The following METTL15 variants were observed in gnomAD, a reference collection of about 807,000 sequenced individuals.
METTL15 encodes 12S rRNA N(4)-cytidine methyltransferase METTL15.
Under a neutral mutation model 38.3 loss-of-function variants are expected in METTL15, and 34 were observed. The ratio of observed to expected loss-of-function variants is 0.89; its 90% CI spans 0.68 to 1.18. The LOEUF (loss-of-function observed/expected upper bound fraction) is 1.18. Among genes scored for constraint, METTL15 ranks in the 50% most tolerant of loss-of-function variants. METTL15 has a pLI of 0.00. For missense variants in METTL15, 438 were observed against 498.4 expected, an observed-to-expected ratio of 0.88 and a Z score of 1.15; for synonymous variants, 162 against 170.9, an observed-to-expected ratio of 0.95 and a Z score of 0.41.
intron 5 of METTL15, among the ~76,000 whole-genome samples, chr11:28,376,025 T>C (rs1410533717): frequency 6.6e-6 from 1 of 152,212 alleles, no homozygotes; most frequent in Non-Finnish European, 1.5e-5. Context: ...CACTGTGGTC[T>C]GAGAGATAGT....
intron 6 of METTL15, among the ~76,000 whole-genome samples, chr11:28,470,119 A>T (rs140667152): frequency 4.9e-4 from 75 of 152,310 alleles, no homozygotes; most frequent in African/African-American, 1.7e-3. Flanking sequence ...GGCCATTGGT[A>T]ATAATGTTCA....
intron 3 of METTL15, among the ~76,000 whole-genome samples, chr11:28,346,879 A>G (rs1184543591): frequency 6.6e-6 from 1 of 152,176 alleles, no homozygotes; most frequent in African/African-American, 2.4e-5. Context: ...AGGTGCACCA[A>G]AGACTAAAAA....
intron 6 of METTL15, among the ~76,000 whole-genome samples, chr11:28,494,380 ATCTT>A (rs1310187457): frequency 1.3e-5 from 2 of 152,160 alleles, no homozygotes; most frequent in African/African-American, 4.8e-5. Context: ...ATACTTTTCA[ATCTT>A]TCTTTTGGTT....
At chr11:28,146,174 T>C (rs1270176880) in intron 3 of METTL15, among the ~76,000 whole-genome samples, 1 of 152,078 alleles carries the variant, frequency 6.6e-6, no homozygotes, top group African/African-American at 2.4e-5. Flanking sequence ...TAAAACTTTC[T>C]GGAAAGTTGT....
At chr11:28,362,195 C>A (rs2133368724) in intron 5 of METTL15, among the ~76,000 whole-genome samples, 1 of 152,016 alleles carries the variant, frequency 6.6e-6, no homozygotes, top group African/African-American at 2.4e-5. Flanking sequence ...TACACAATTG[C>A]AATTAAACAA....
chr11:28,266,452 C>G (rs1302594043), intron 4 of METTL15, among the ~76,000 whole-genome samples: 2 of 152,180 alleles, frequency 1.3e-5, no homozygotes, highest in Non-Finnish European at 2.9e-5. Context: ...AGCAAACTAT[C>G]ACAAGGACAA....
intron 4 of METTL15, among the ~76,000 whole-genome samples, chr11:28,220,500 C>T (rs1293798786): frequency 1.3e-5 from 2 of 152,126 alleles, no homozygotes; most frequent in African/African-American, 2.4e-5. Flanking sequence ...ACTGATGAGT[C>T]TTGACTCTTT....
chr11:28,150,406 C>T (rs1211182755), intron 3 of METTL15, among the ~76,000 whole-genome samples: 1 of 151,764 alleles, frequency 6.6e-6, no homozygotes, highest in Non-Finnish European at 1.5e-5. Context: ...AGGAATTGGA[C>T]TGATAAAGCT....
chr11:28,508,415 T>C (rs976866896), intron 6 of METTL15, among the ~76,000 whole-genome samples: 19 of 152,222 alleles, frequency 1.2e-4, no homozygotes, highest in African/African-American at 3.6e-4. Context: ...ATCCATCATT[T>C]CTATTTTAGA....
At chr11:28,335,639 A>G (rs1849894473), downstream of METTL15, among the ~76,000 whole-genome samples, 3 of 152,272 alleles carry the variant, frequency 2.0e-5, no homozygotes, top group South Asian at 6.2e-4. Flanking sequence ...TGAATGGCTT[A>G]ATGCTGTCCT....
At chr11:28,222,880 A>G (rs532114369) in intron 4 of METTL15, among the ~76,000 whole-genome samples, 1 of 152,352 alleles carries the variant, frequency 6.6e-6, no homozygotes, top group African/African-American at 2.4e-5. Context: ...AAGTTCTTAC[A>G]AAACTAGAGA....
intron 5 of METTL15, among the ~76,000 whole-genome samples, chr11:28,366,792 T>C (rs1018071259): frequency 2.0e-5 from 3 of 152,198 alleles, no homozygotes; most frequent in African/African-American, 7.2e-5. Flanking sequence ...AAAAGCTCTA[T>C]GTCAGAGCAA....
intron 3 of METTL15, among the ~76,000 whole-genome samples, chr11:28,161,751 T>C (rs1850474246): frequency 1.3e-5 from 2 of 152,000 alleles, no homozygotes; most frequent in East Asian, 1.9e-4. Context: ...GAACATAGGA[T>C]GAGTGATAAT....
At chr11:28,266,305 A>G (rs937857705) in intron 4 of METTL15, among the ~76,000 whole-genome samples, 1 of 152,200 alleles carries the variant, frequency 6.6e-6, no homozygotes, top group Non-Finnish European at 1.5e-5. Flanking sequence ...ACTTGGAAAC[A>G]ACCCAAATGT....
intron 5 of METTL15, among the ~76,000 whole-genome samples, chr11:28,372,510 G>A (rs1230253566): frequency 7.4e-6 from 1 of 135,216 alleles, no homozygotes; most frequent in African/African-American, 2.7e-5. Context: ...TGCACATCAA[G>A]TTCTGGAAAA....
intron 6 of METTL15, among the ~76,000 whole-genome samples, chr11:28,484,728 C>T (rs1199389110): frequency 6.6e-6 from 1 of 152,128 alleles, no homozygotes; most frequent in Non-Finnish European, 1.5e-5. Context: ...TTCTTTTTCA[C>T]CTGCTCTTCT....
chr11:28,137,928 T>G (rs1442532686), intron 3 of METTL15, among the ~76,000 whole-genome samples: 1 of 152,244 alleles, frequency 6.6e-6, no homozygotes. Context: ...ATCCAGTAAT[T>G]GTAAGATTCT....
chr11:28,386,005 G>T (rs1193680835), intron 5 of METTL15, among the ~76,000 whole-genome samples: 4 of 152,020 alleles, frequency 2.6e-5, no homozygotes, highest in Non-Finnish European at 5.9e-5. Context: ...AATGACTAGA[G>T]TTTTTGTATC....
intron 4 of METTL15, among the ~76,000 whole-genome samples, chr11:28,236,673 G>A (rs989096370): frequency 1.5e-4 from 23 of 152,162 alleles, no homozygotes; most frequent in African/African-American, 5.3e-4. Context: ...TTGCTCATTA[G>A]TTGATGCAGT....
Sources: gnomAD v4.1 joint callset for allele counts (sites outside exome capture counted in the v4.1 genomes callset) on GRCh38, gnomAD v4.1.1 for gene constraint, MANE v1.5 for transcripts, NCBI Gene and HGNC (gene_info 2026-07-23, HGNC 2026-07-21) for gene names.